The following MCM3AP variants were observed in gnomAD, a reference collection of about 807,000 sequenced individuals.
The protein encoded by MCM3AP is germinal-center associated nuclear protein.
A neutral mutation model predicts 184.1 loss-of-function variants in MCM3AP; 126 were observed. That is an observed-to-expected ratio of 0.68 (90% CI 0.59 to 0.79). The LOEUF (loss-of-function observed/expected upper bound fraction) is 0.79. Among genes scored for constraint, MCM3AP ranks in the 30% least tolerant of loss-of-function variants. The pLI is 0.00. For synonymous variants in MCM3AP, 1,002 were observed against 979.3 expected (o/e 1.02, Z -0.43); for missense variants, 2,496 against 2,479.2 (o/e 1.01, Z -0.14).
chr21:46,241,306 G>T, intron 25 of MCM3AP: 1 of 310,392 alleles, frequency 3.2e-6, no homozygotes, highest in Non-Finnish European at 6.0e-6. Flanking sequence ...TCAAGAGGCA[G>T]CTAGGTTTTT....
At chr21:46,283,893 G>A in intron 1 of MCM3AP, 55 bp from the exon 2 acceptor site, 1 of 1,557,966 alleles carries the variant, frequency 6.4e-7, no homozygotes, top group Admixed American at 1.7e-5. Context: ...ACAACAGGAG[G>A]CACCAACTGT....
intron 16 of MCM3AP, 70 bp downstream of exon 16, chr21:46,258,869 T>C (rs1800114278): frequency 1.3e-6 from 2 of 1,530,138 alleles, no homozygotes; most frequent in Non-Finnish European, 1.8e-6. Context: ...TAATAGCTCA[T>C]ATATTTTGAA....
rs2080714030 is a variant in MCM3AP, at chr21:46,243,637, G to C, written c.5124C>G (p.Ser1708=). Residue 1708 remains serine (S), a synonymous_variant, in exon 24 of 28, where the codon TCC becomes TCG. Coordinates refer to ENST00000291688, the MANE Select transcript of MCM3AP (RefSeq NM_003906.5). ...SSRQTQPVLQ[S]QVENLLHRTY... ...TTCTGTGGAGCAGGTTCTCCACCTG[G>C]GACTGGAGGACAGGCTGTGTCTGGC... is the stretch of plus-strand genomic sequence containing the variant. 1.2e-6 allele frequency: 2 copies of C among 1,614,064 alleles called. No homozygotes were observed. The highest frequency in any genetic ancestry group is 1.7e-5 in the Admixed American group (1 of 60,018).
intron 19 of MCM3AP, chr21:46,253,702 A>G (rs1345912793): frequency 6.6e-6 from 1 of 151,220 alleles, no homozygotes; most frequent in Non-Finnish European, 1.5e-5. Flanking sequence ...TGTTCTCATG[A>G]TAGTGAGCTC....
intron 15 of MCM3AP, among the ~76,000 whole-genome samples, 195 bp downstream of exon 15, chr21:46,260,598 G>T (rs907552669): frequency 2.0e-5 from 3 of 152,180 alleles, no homozygotes; most frequent in African/African-American, 7.2e-5. Flanking sequence ...ATATAAAAGA[G>T]AATTTTTTAT....
At chr21:46,273,811 C>T (rs796348193) in intron 6 of MCM3AP, among the ~76,000 whole-genome samples, 9 of 152,270 alleles carry the variant, frequency 5.9e-5, no homozygotes, top group African/African-American at 1.9e-4. Flanking sequence ...GATATGAGTG[C>T]GTCATGACAA....
At chr21:46,262,922 C>T (rs1475449044) in intron 13 of MCM3AP, among the ~76,000 whole-genome samples, 5 of 131,118 alleles carry the variant, frequency 3.8e-5, no homozygotes, top group African/African-American at 1.4e-4. Flanking sequence ...GAGCCGAGAT[C>T]ACGCCACTGC....
At chr21:46,260,076 TA>T (rs540730781) in intron 15 of MCM3AP, among the ~76,000 whole-genome samples, 37 of 145,044 alleles carry the variant, frequency 2.6e-4, no homozygotes, top group East Asian at 2.0e-4. Context: ...ACTCCGTCTT[TA>T]AAAAAAAAAA....
At chr21:46,255,351 C>A (rs970163551) in intron 17 of MCM3AP, among the ~76,000 whole-genome samples, 54 of 152,108 alleles carry the variant, frequency 3.6e-4, no homozygotes, top group African/African-American at 1.3e-3. Flanking sequence ...GTTGGGTCCA[C>A]AATGCAGAGA....
intron 1 of MCM3AP, 43 bp downstream of exon 1, chr21:46,284,025 T>C (rs749274215): frequency 8.3e-5 from 131 of 1,575,126 alleles, no homozygotes; most frequent in Non-Finnish European, 1.0e-4. Flanking sequence ...ATTGAAAACC[T>C]GCCTGCAGGA....
intron 16 of MCM3AP, 57 bp downstream of exon 16, chr21:46,258,882 T>C (rs2145656748): frequency 6.3e-7 from 1 of 1,591,328 alleles, no homozygotes; most frequent in Middle Eastern, 1.7e-4. Flanking sequence ...ATTTTGAATT[T>C]GTTAAAAGAC....
intron 10 of MCM3AP, 197 bp downstream of exon 10, chr21:46,266,785 G>C (rs917564073): frequency 1.3e-5 from 8 of 595,936 alleles, no homozygotes; most frequent in African/African-American, 9.3e-5. Context: ...AACTTGGTCT[G>C]AGCCCTCAAT....
rs1209518123 is a variant in MCM3AP at position 46,284,300 on chromosome 21, C to G, written c.987G>C (p.Leu329=). 6.2e-7 allele frequency: 1 copy of G among 1,614,220 alleles called. No individual in the cohort carries two copies. Residue 329 remains leucine, a synonymous_variant, in exon 1 of 28, where the codon CTG becomes CTC. Transcript: ENST00000291688. ...DHPPDKRPVR[L]NRPRGGTLFG... ...ATAAAGTACCTCCCCGGGGTCGATT[C>G]AGGCGGACAGGTCGTTTGTCTGGAG...
At chr21:46,242,683 A>G in intron 25 of MCM3AP, 119 bp downstream of exon 25, 1 of 977,144 alleles carries the variant, frequency 1.0e-6, no homozygotes, top group East Asian at 2.5e-5. Flanking sequence ...TTCCTTGAGG[A>G]TTTGTCACAG....
At chr21:46,272,389 A>AG (rs1829590302) in intron 8 of MCM3AP, among the ~76,000 whole-genome samples, 172 bp downstream of exon 8, 1 of 152,194 alleles carries the variant, frequency 6.6e-6, no homozygotes, top group African/African-American at 2.4e-5. Context: ...CTCTTCCCCC[A>AG]GCTCAGCTCA....
chr21:46,263,780 CAAAAAAAAAA>C (rs57674256), intron 13 of MCM3AP, among the ~76,000 whole-genome samples: 9 of 28,328 alleles, frequency 3.2e-4, no homozygotes, highest in East Asian at 1.5e-3. Context: ...GACTCCATCT[CAAAAAAAAAA>C]AAAAAAAAAA....
rs1555913025 is a variant in MCM3AP at position 46,270,414 on chromosome 21, C to T, written c.2615G>A (p.Cys872Tyr). Residue 872 changes from cysteine (C) to tyrosine (Y), a missense_variant, in exon 9 of 28, where the codon TGT (cysteine) becomes TAT (tyrosine). Cys to Tyr is a radical substitution (Grantham distance 194). This residue lies in a region of MCM3AP where 138 missense variants were observed against 191.9 expected (regional missense o/e 0.72). Coordinates refer to ENST00000291688, the MANE Select transcript of MCM3AP (RefSeq NM_003906.5). ...ASYLNACLLH[C>Y]YFSQIRKDAL... is the part of the protein sequence containing the mutation. ...TCATTTACTCACCTGACTGAAGTAACAGTGTAAAAGACAAGCGTTCAGGTA... is the reference window on the plus strand; with the variant it reads ...TCATTTACTCACCTGACTGAAGTAATAGTGTAAAAGACAAGCGTTCAGGTA... 1.5e-5 allele frequency: 24 copies of T among 1,611,690 alleles called. No homozygotes were observed. Among genetic ancestry groups the T allele is most frequent in the Non-Finnish European group, 1.8e-5 (21 of 1,179,256 alleles).
intron 16 of MCM3AP, among the ~76,000 whole-genome samples, chr21:46,258,379 GAGA>G (rs1240046010): frequency 1.4e-4 from 21 of 152,302 alleles, no homozygotes; most frequent in Middle Eastern, 6.8e-3. Flanking sequence ...ACACCCAGTT[GAGA>G]AGTTGTGGCC....
Position 46,254,857 on chromosome 21 carries a change from G to C in MCM3AP, c.3933-13C>G, listed in dbSNP as rs560827151. The C allele has an allele frequency of 2.4e-5, 39 of 1,610,664 alleles. No homozygotes were observed. Among genetic ancestry groups the C allele is most frequent in the Middle Eastern group, 1.6e-4 (1 of 6,080 alleles). On this transcript the variant is annotated splice_polypyrimidine_tract_variant and intron_variant, in intron 17 of 27. Transcript: ENST00000291688. ...GAGCCGCCTTAACCTGCAAAGGAAA[G>C]CAGAATGACAGTGTCCCCGCAGGAG...
Sources: allele counts gnomAD v4.1 joint callset (sites outside exome capture counted in the v4.1 genomes callset), GRCh38; gene constraint gnomAD v4.1.1; regional missense constraint gnomAD v4.1.1; transcripts MANE v1.5; gene names NCBI Gene and HGNC (gene_info 2026-07-23, HGNC 2026-07-21).